The following BDNF variants were observed in gnomAD, a reference collection of about 807,000 sequenced individuals.
The protein encoded by BDNF is neurotrophic factor BDNF precursor form.
A neutral mutation model predicts 19.5 loss-of-function variants in BDNF; 1 was observed. The ratio of observed to expected loss-of-function variants is 0.05; its 90% CI spans 0.02 to 0.24. The LOEUF (loss-of-function observed/expected upper bound fraction) is 0.24. Among genes scored for constraint, BDNF ranks in the 10% least tolerant of loss-of-function variants. The probability of loss-of-function intolerance (pLI) is 1.00; values close to 1 mark genes in which losing one functional copy is unlikely to be tolerated. For missense variants in BDNF, 195 were observed against 317.6 expected (o/e 0.61, Z 2.93); for synonymous variants, 100 against 121.6 (o/e 0.82, Z 1.17).
chr11:27,696,790 C>T (rs931749126), intron 1 of BDNF, among the ~76,000 whole-genome samples: 2 of 152,176 alleles, frequency 1.3e-5, no homozygotes, highest in African/African-American at 4.8e-5. Context: ...CTCTTCCACA[C>T]AGGGAGATGC....
chr11:27,712,338 A>G (rs958237244), intron 1 of BDNF, among the ~76,000 whole-genome samples: 9 of 152,224 alleles, frequency 5.9e-5, no homozygotes, highest in Non-Finnish European at 1.3e-4. Flanking sequence ...TTCAAAATAC[A>G]TTGATACTTA....
At chr11:27,659,215 A>C in intron 1 of BDNF, 1 of 995,746 alleles carries the variant, frequency 1.0e-6, no homozygotes, top group Non-Finnish European at 1.2e-6. Context: ...TCATTGAGCC[A>C]TCCTGTTTTA....
Position 27,673,530 on chromosome 11 carries a change from T to A in BDNF, c.-21-14945A>T, listed in dbSNP as rs1385736924. Among the ~76,000 whole-genome samples, 5 of 152,316 alleles carry A rather than the reference T, an allele frequency of 3.3e-5. No individual in the cohort carries two copies. The East Asian group carries it at 7.7e-4, about 24-fold the overall frequency. ...AGAGTATTGCTGGACACCTTGACTT[T>A]CTGCCATGAAATGCTATGGGAATTC... On this transcript the variant is annotated intron_variant, in intron 1 of 1. Transcript: ENST00000356660.
chr11:27,706,942 T>C (rs760389629), intron 1 of BDNF, among the ~76,000 whole-genome samples: 112 of 152,354 alleles, frequency 7.4e-4, no homozygotes, highest in Admixed American at 1.3e-3. Flanking sequence ...GCTTTCACTG[T>C]TTTCCCCCTC....
intron 1 of BDNF, among the ~76,000 whole-genome samples, chr11:27,686,325 A>G (rs866759638): frequency 6.6e-6 from 1 of 152,146 alleles, no homozygotes; most frequent in Non-Finnish European, 1.5e-5. Context: ...AACACAGCAC[A>G]CTGATGGGTC....
In BDNF at chr11:27,686,622, G is replaced by A. The variant is rs564292261; in HGVS notation, c.-22+13542C>T. Among the ~76,000 whole-genome samples, 161 of 152,206 alleles carry A rather than the reference G, an allele frequency of 1.1e-3. 2 individuals carry two copies. The highest frequency in any genetic ancestry group is 3.6e-3 in the African/African-American group (149 of 41,524). ...TGACAAAATCTCTCAGCATTTGCTCGTCTGTAAAGGATTTTATTTCTACTT... is the reference window on the plus strand; with the variant it reads ...TGACAAAATCTCTCAGCATTTGCTCATCTGTAAAGGATTTTATTTCTACTT... On this transcript the variant is annotated intron_variant, in intron 1 of 1. Transcript: ENST00000356660.
At chr11:27,700,519 C>CGGGGGGGGGGGGGGG, upstream of BDNF, 1 of 759,768 alleles carries the variant, frequency 1.3e-6, no homozygotes, top group Non-Finnish European at 1.5e-6. Context: ...CAAACGGCGC[C>CGGGGGGGGGGGGGGG]GCCCCCCCCC....
chr11:27,721,442 G>A (rs770818959), exon 1 of BDNF: 18 of 1,613,690 alleles, frequency 1.1e-5, no homozygotes, highest in Non-Finnish European at 1.4e-5. Flanking sequence ...GGAGACTCAA[G>A]TGTCTTAAAA....
At chr11:27,700,948 C>T (rs768585661), upstream of BDNF, 11 of 1,353,880 alleles carry the variant, frequency 8.1e-6, no homozygotes, top group South Asian at 1.3e-4. Flanking sequence ...AGAGGGCGTG[C>T]GTTTCCCGGG....
At chr11:27,659,697 CTGAG>C (rs1428421138) in intron 1 of BDNF, 2 of 995,710 alleles carry the variant, frequency 2.0e-6, no homozygotes, top group Non-Finnish European at 2.4e-6. Context: ...TTTTAAAAAG[CTGAG>C]TGGTGTTTTA....
intron 1 of BDNF, among the ~76,000 whole-genome samples, chr11:27,686,643 T>C (rs1857527591): frequency 6.6e-6 from 1 of 152,248 alleles, no homozygotes; most frequent in Admixed American, 6.5e-5. Flanking sequence ...ATTTTATTTC[T>C]ACTTCACTTC....
At position 27,714,879 on chromosome 11, in the gene BDNF, G is replaced by A. The variant is rs185379764; in HGVS notation, c.3+6533C>T. Among the ~76,000 whole-genome samples the A allele has an allele frequency of 1.6e-4, 24 of 152,200 alleles. No homozygotes were observed. In the South Asian group the frequency reaches 1.9e-3, roughly 12 times the overall value. ...TTGACTTTTTTGGGTACTGACAAGC[G>A]GTTGGAAGTAAAGCCTAAACTCAGG... On this transcript the variant is annotated intron_variant, in intron 1 of 1. Transcript: ENST00000314915.
chr11:27,686,017 T>C (rs146296986), intron 1 of BDNF, among the ~76,000 whole-genome samples: 5,793 of 152,282 alleles, frequency 0.038, 521 homozygotes, highest in Admixed American at 0.2. Context: ...ACACTATTAT[T>C]GTGTGGGAGT....
chr11:27,664,932 AAAG>A (rs1010914709), intron 1 of BDNF, among the ~76,000 whole-genome samples: 1 of 152,326 alleles, frequency 6.6e-6, no homozygotes, highest in African/African-American at 2.4e-5. Context: ...AGTCTGTAAC[AAAG>A]AAGTCTTAGC....
intron 1 of BDNF, among the ~76,000 whole-genome samples, chr11:27,690,154 A>G (rs1744101320): frequency 6.6e-6 from 1 of 152,236 alleles, no homozygotes; most frequent in African/African-American, 2.4e-5. Context: ...TCAACCATTT[A>G]TACATGATTA....
At chr11:27,715,928 A>G (rs1860490758) in intron 1 of BDNF, among the ~76,000 whole-genome samples, 1 of 152,256 alleles carries the variant, frequency 6.6e-6, no homozygotes, top group Non-Finnish European at 1.5e-5. Flanking sequence ...AGTCTGCACT[A>G]TAGCAGAAAA....
At chr11:27,699,429 G>A (rs1398726337) in intron 1 of BDNF, 1 of 1,613,918 alleles carries the variant, frequency 6.2e-7, no homozygotes, top group Non-Finnish European at 8.5e-7. Context: ...CCCGAGTCAA[G>A]AATCCCCCAC....
intron 1 of BDNF, chr11:27,719,467 G>T (rs1241231783): frequency 1.0e-6 from 1 of 985,474 alleles, no homozygotes; most frequent in African/African-American, 1.7e-5. Context: ...TCTACTCCCA[G>T]GCGGAGGCTC....
At chr11:27,708,616 G>A (rs754437077) in intron 1 of BDNF, among the ~76,000 whole-genome samples, 14 of 151,564 alleles carry the variant, frequency 9.2e-5, no homozygotes, top group Non-Finnish European at 1.8e-4. Flanking sequence ...ATGTTTATAA[G>A]AGCACAATTT....
Sources: allele counts gnomAD v4.1 joint callset (sites outside exome capture counted in the v4.1 genomes callset), GRCh38; gene constraint gnomAD v4.1.1; transcripts MANE v1.5; gene names NCBI Gene and HGNC (gene_info 2026-07-23, HGNC 2026-07-21).